Variants in BBS9 observed in about 807,000 individuals in gnomAD.
The protein encoded by BBS9 is protein PTHB1.
BBS9 carries 89 observed loss-of-function variants against 117.7 expected under a neutral mutation model. The ratio of observed to expected loss-of-function variants is 0.76; its 90% CI spans 0.64 to 0.90. The LOEUF is 0.90. Among genes scored for constraint, BBS9 ranks in the 40% least tolerant of loss-of-function variants. The pLI, the probability that BBS9 is intolerant of heterozygous loss-of-function variation, is 0.00. For missense variants in BBS9, 982 were observed against 1,042.2 expected, an observed-to-expected ratio of 0.94 and a Z score of 0.80; for synonymous variants, 379 against 370.9, an observed-to-expected ratio of 1.02 and a Z score of -0.25.
At chr7:33,505,732 T>C in intron 20 of BBS9, 87 bp downstream of exon 20, 1 of 1,394,338 alleles carries the variant, frequency 7.2e-7, no homozygotes, top group Non-Finnish European at 9.9e-7. Flanking sequence ...TCAGGTTTTC[T>C]AAGGTATCAA....
At chr7:33,316,343 A>G (rs958042967) in intron 9 of BBS9, among the ~76,000 whole-genome samples, 8 of 152,218 alleles carry the variant, frequency 5.3e-5, no homozygotes, top group African/African-American at 1.4e-4. Context: ...TGAATATACC[A>G]TAATTAAAAA....
intron 21 of BBS9, among the ~76,000 whole-genome samples, chr7:33,566,762 G>A (rs1856991156): frequency 6.6e-6 from 1 of 152,014 alleles, no homozygotes. Flanking sequence ...TTAATATAAA[G>A]ACAAAACTTT....
chr7:33,242,477 G>C (rs1002165320), intron 5 of BBS9, among the ~76,000 whole-genome samples: 1 of 152,028 alleles, frequency 6.6e-6, no homozygotes, highest in Non-Finnish European at 1.5e-5. Context: ...ATGCCCAACA[G>C]CTCTTTTTAC....
chr7:33,372,985 T>A (rs1312561598), intron 17 of BBS9, among the ~76,000 whole-genome samples: 2 of 152,202 alleles, frequency 1.3e-5, no homozygotes, highest in Admixed American at 1.3e-4. Context: ...TTCTGTAGTA[T>A]CAGATGTAAT....
intron 11 of BBS9, among the ~76,000 whole-genome samples, chr7:33,344,197 T>G (rs2128645859): frequency 6.8e-6 from 1 of 146,236 alleles, no homozygotes; most frequent in Admixed American, 7.0e-5. Context: ...TTCTCCTGCC[T>G]CAGCCTCCCG....
intron 5 of BBS9, among the ~76,000 whole-genome samples, chr7:33,184,331 TC>T (rs1272402710): frequency 6.6e-6 from 1 of 152,188 alleles, no homozygotes; most frequent in Non-Finnish European, 1.5e-5. Flanking sequence ...GCTCCCCATG[TC>T]CGGTGATCCT....
chr7:33,163,660 T>G (rs2128130555), intron 4 of BBS9, among the ~76,000 whole-genome samples: 1 of 152,294 alleles, frequency 6.6e-6, no homozygotes, highest in South Asian at 2.1e-4. Flanking sequence ...TGTATTTCTG[T>G]GAGATCAGTG....
At chr7:33,212,762 A>G (rs1027623545) in intron 5 of BBS9, among the ~76,000 whole-genome samples, 5 of 152,210 alleles carry the variant, frequency 3.3e-5, no homozygotes, top group African/African-American at 7.2e-5. Flanking sequence ...GCAGGCTGGT[A>G]GAGGTACGGC....
At chr7:33,491,391 A>G (rs1177496684) in intron 19 of BBS9, among the ~76,000 whole-genome samples, 1 of 152,158 alleles carries the variant, frequency 6.6e-6, no homozygotes, top group Non-Finnish European at 1.5e-5. Context: ...CTAACAAGCA[A>G]AGGGCATTAT....
intron 5 of BBS9, among the ~76,000 whole-genome samples, chr7:33,204,419 A>AAG (rs1390285145): frequency 1.3e-5 from 2 of 151,408 alleles, no homozygotes; most frequent in South Asian, 2.1e-4. Flanking sequence ...AAAAAAAAAA[A>AAG]AAGTTATTTT....
intron 21 of BBS9, among the ~76,000 whole-genome samples, chr7:33,626,322 T>A (rs2129226113): frequency 6.6e-6 from 1 of 152,326 alleles, no homozygotes; most frequent in Middle Eastern, 3.4e-3. Flanking sequence ...CTCTTTTCTT[T>A]ATAAATTATC....
chr7:33,440,506 G>A (rs781632737), intron 19 of BBS9, among the ~76,000 whole-genome samples: 8 of 152,162 alleles, frequency 5.3e-5, no homozygotes, highest in Admixed American at 5.2e-4. Flanking sequence ...GCTTGGTGGG[G>A]ATGCTACTGT....
chr7:33,202,224 G>A (rs888853265), intron 5 of BBS9, among the ~76,000 whole-genome samples: 2 of 152,152 alleles, frequency 1.3e-5, no homozygotes, highest in Non-Finnish European at 2.9e-5. Context: ...GAGAATGGGG[G>A]CATTCTTAAC....
At chr7:33,412,972 C>CTT (rs1831398111) in intron 19 of BBS9, among the ~76,000 whole-genome samples, 1 of 152,106 alleles carries the variant, frequency 6.6e-6, no homozygotes, top group African/African-American at 2.4e-5. Flanking sequence ...CTGTTGACTA[C>CTT]AATGTTTGAT....
At chr7:33,533,570 A>G in intron 20 of BBS9, 1 of 223,948 alleles carries the variant, frequency 4.5e-6, no homozygotes, top group South Asian at 7.2e-5. Context: ...GATAAGGCAA[A>G]ACAAACTATA....
At chr7:33,129,303 C>G, upstream of BBS9, 1 of 550,680 alleles carries the variant, frequency 1.8e-6, no homozygotes, top group Non-Finnish European at 3.2e-6. Context: ...GTGGCCTGCC[C>G]CCGGAGCCCA....
At chr7:33,584,270 C>A (rs992905419) in intron 21 of BBS9, among the ~76,000 whole-genome samples, 5 of 151,996 alleles carry the variant, frequency 3.3e-5, no homozygotes, top group African/African-American at 9.6e-5. Flanking sequence ...ACAATTATAT[C>A]ATCTGGAAAT....
chr7:33,450,974 C>T (rs1011113391), intron 19 of BBS9, among the ~76,000 whole-genome samples: 7 of 151,546 alleles, frequency 4.6e-5, no homozygotes, highest in South Asian at 2.1e-4. Flanking sequence ...CTGCAAGCTC[C>T]GCCTCCTGGG....
chr7:33,456,278 A>C (rs1045152236), intron 19 of BBS9, among the ~76,000 whole-genome samples: 1 of 152,212 alleles, frequency 6.6e-6, no homozygotes, highest in Non-Finnish European at 1.5e-5. Flanking sequence ...TAGGCTTTGA[A>C]TTTGAATGTA....
Sources: allele counts gnomAD v4.1 joint callset (sites outside exome capture counted in the v4.1 genomes callset), GRCh38; gene constraint gnomAD v4.1.1; transcripts MANE v1.5; gene names NCBI Gene and HGNC (gene_info 2026-07-23, HGNC 2026-07-21).